Variants in ZNF761 observed in about 807,000 individuals in gnomAD.
The protein encoded by ZNF761 is zinc finger protein 761.
ZNF761 carries 43 observed loss-of-function variants against 59.9 expected under a neutral mutation model. That is an observed-to-expected ratio of 0.72 (90% CI 0.56 to 0.92). The LOEUF is 0.92. Among genes scored for constraint, ZNF761 ranks in the 40% least tolerant of loss-of-function variants. The pLI is 0.00. For missense variants in ZNF761, 850 were observed against 906.1 expected, an observed-to-expected ratio of 0.94 and a Z score of 0.79; for synonymous variants, 294 against 304.8, an observed-to-expected ratio of 0.96 and a Z score of 0.37.
chr19:53,437,671 G>A (rs2086057565), intron 1 of ZNF761, among the ~76,000 whole-genome samples: 2 of 152,096 alleles, frequency 1.3e-5, no homozygotes, highest in Admixed American at 1.3e-4. Flanking sequence ...GGTGGCCTCT[G>A]CAATGCATTA....
chr19:53,442,513 A>T, intron 1 of ZNF761: 2 of 724,374 alleles, frequency 2.8e-6, no homozygotes. Context: ...AAGACAATTG[A>T]TGACTTGGAA....
At position 53,457,482 on chromosome 19, in the gene ZNF761, A is replaced by G. The variant is rs2086282547; in HGVS notation, c.*734A>G. 1 of 395,702 alleles carries G rather than the reference A, an allele frequency of 2.5e-6. No individual in the cohort carries two copies. Among genetic ancestry groups the G allele is most frequent in the Non-Finnish European group, 5.0e-6 (1 of 198,798 alleles). The allele number at this position is 395,702 out of a possible 1,614,324, so 24.5% of individuals were successfully genotyped here. On this transcript the variant is annotated 3_prime_UTR_variant, in exon 5 of 5. Transcript: ENST00000684525. ...ATCAGAGAATGCATACTGGACAGAAATCTTACAAATGTCATCAATGTGCCA... is the reference window on the plus strand; with the variant it reads ...ATCAGAGAATGCATACTGGACAGAAGTCTTACAAATGTCATCAATGTGCCA...
Position 53,457,241 on chromosome 19 carries a change from C to T in ZNF761, c.*493C>T. ...GAATCCATAAGGAAGAGAGATCATA[C>T]TAGGGTAATAAATGTGGCAGATTTT... On this transcript the variant is annotated 3_prime_UTR_variant, in exon 5 of 5. Coordinates refer to ENST00000684525, the MANE Select transcript of ZNF761 (RefSeq NM_001289951.2). 1 of 457,328 alleles carries T rather than the reference C, an allele frequency of 2.2e-6. No homozygotes were observed. Among genetic ancestry groups the T allele is most frequent in the Non-Finnish European group, 4.4e-6 (1 of 229,152 alleles). 28.3% of individuals were successfully genotyped at this position (457,328 alleles called of 1,614,324 possible).
intron 1 of ZNF761, among the ~76,000 whole-genome samples, chr19:53,436,212 G>T (rs1039140162): frequency 3.3e-5 from 5 of 152,162 alleles, no homozygotes; most frequent in African/African-American, 1.2e-4. Context: ...CAAGATTACA[G>T]TACAGGGCCC....
chr19:53,442,276 A>G, intron 1 of ZNF761: 2 of 1,343,356 alleles, frequency 1.5e-6, no homozygotes, highest in Non-Finnish European at 2.1e-6. Context: ...ATTGAAGGAG[A>G]CATGGGATGC....
Position 53,457,344 on chromosome 19 carries a change from C to G in ZNF761, c.*596C>G. ...AACCTTACAAATGTCATGACTGTGG[C>G]AAGGTCTTCAGTCAAGCTTCATCCT... On this transcript the variant is annotated 3_prime_UTR_variant, in exon 5 of 5. Transcript: ENST00000684525. 5 of 402,230 alleles carry G rather than the reference C, an allele frequency of 1.2e-5. 1 individual carries two copies. The highest frequency in any genetic ancestry group is 9.7e-5 in the South Asian group (5 of 51,340). The allele number at this position is 402,230 out of a possible 1,614,324, so 24.9% of individuals were successfully genotyped here. A position where few individuals can be genotyped will look rare whatever the true frequency, so the allele number is the denominator to read the frequency against.
chr19:53,451,912 A>T (rs1316241549), intron 4 of ZNF761, among the ~76,000 whole-genome samples: 1 of 151,916 alleles, frequency 6.6e-6, no homozygotes, highest in Non-Finnish European at 1.5e-5. Context: ...AAAACATGTT[A>T]TTGCTATTAG....
At chr19:53,435,289 CTTTTTTTTTTTTTT>C (rs368157010) in intron 1 of ZNF761, among the ~76,000 whole-genome samples, 28 of 53,614 alleles carry the variant, frequency 5.2e-4, no homozygotes, top group East Asian at 2.3e-3. Context: ...AATACAAGTC[CTTTTTTTTTTTTTT>C]TTTTTTTTTT....
intron 4 of ZNF761, among the ~76,000 whole-genome samples, chr19:53,453,209 G>C (rs1469001874): frequency 2.0e-5 from 3 of 152,096 alleles, no homozygotes; most frequent in Non-Finnish European, 4.4e-5. Flanking sequence ...TCACCATGTT[G>C]GCCAAGCTAC....
At chr19:53,434,869 A>G (rs2086021348) in intron 1 of ZNF761, among the ~76,000 whole-genome samples, 1 of 152,210 alleles carries the variant, frequency 6.6e-6, no homozygotes, top group South Asian at 2.1e-4. Context: ...AACCAAGCAA[A>G]CAGGTTTTTA....
chr19:53,449,222 C>T (rs181892303), intron 3 of ZNF761, among the ~76,000 whole-genome samples: 1 of 152,066 alleles, frequency 6.6e-6, no homozygotes, highest in African/African-American at 2.4e-5. Context: ...TTCAGCTACT[C>T]AGGAGGCTAA....
chr19:53,457,027 C>G lies in ZNF761; in HGVS notation c.*279C>G. 3.1e-6 allele frequency: 2 copies of G among 646,236 alleles called. No individual in the cohort carries two copies. The highest frequency in any genetic ancestry group is 5.5e-6 in the Non-Finnish European group (2 of 363,642). The allele number at this position is 646,236 out of a possible 1,614,324, so 40.0% of individuals were successfully genotyped here. A position where few individuals can be genotyped will look rare whatever the true frequency, so the allele number is the denominator to read the frequency against. The stretch of plus-strand genomic sequence containing the variant: ...TGTGACAAGGCTTTTGGGCATGATT[C>G]GCACCTGGCACAACATGCTAGAATT... On this transcript the variant is annotated 3_prime_UTR_variant, in exon 5 of 5. Transcript: ENST00000684525.
chr19:53,435,940 C>T (rs1231114701), intron 1 of ZNF761, among the ~76,000 whole-genome samples: 3 of 152,314 alleles, frequency 2.0e-5, no homozygotes, highest in South Asian at 2.1e-4. Context: ...TTCGGCCGTG[C>T]GTAGACTAGT....
chr19:53,446,557 G>C (rs1253379772), intron 2 of ZNF761, among the ~76,000 whole-genome samples: 1 of 152,022 alleles, frequency 6.6e-6, no homozygotes, highest in Non-Finnish European at 1.5e-5. Flanking sequence ...ATTTTTAGTA[G>C]AGATGGGGTT....
chr19:53,442,093 G>A, intron 1 of ZNF761: 1 of 986,888 alleles, frequency 1.0e-6, no homozygotes, highest in Admixed American at 1.8e-5. Flanking sequence ...TGCAAAAGCT[G>A]GAAGAAGCGG....
At chr19:53,433,802 C>T (rs1352140435) in intron 1 of ZNF761, among the ~76,000 whole-genome samples, 2 of 152,122 alleles carry the variant, frequency 1.3e-5, no homozygotes, top group African/African-American at 4.8e-5. Context: ...AGAACTACTC[C>T]TATTAAGGTT....
At chr19:53,447,509 C>T (rs1241748855) in intron 3 of ZNF761, among the ~76,000 whole-genome samples, 1 of 152,138 alleles carries the variant, frequency 6.6e-6, no homozygotes, top group Non-Finnish European at 1.5e-5. Context: ...GGGAAGGGCT[C>T]ACACCCAGAC....
Position 53,457,503 on chromosome 19 carries a change from T to C in ZNF761, c.*755T>C. On this transcript the variant is annotated 3_prime_UTR_variant, in exon 5 of 5. Transcript: ENST00000684525. ...AGAAATCTTACAAATGTCATCAATG[T>C]GCCAAGGTCTTCAGTCTGAGTTCAC... 2.6e-6 allele frequency: 1 copy of C among 388,750 alleles called. No individual in the cohort carries two copies. Among genetic ancestry groups the C allele is most frequent in the South Asian group, 2.1e-5 (1 of 48,636 alleles). The allele number at this position is 388,750 out of a possible 1,614,324, so 24.1% of individuals were successfully genotyped here. A position where few individuals can be genotyped will look rare whatever the true frequency, so the allele number is the denominator to read the frequency against.
At chr19:53,439,284 A>AAAC (rs906252961) in intron 1 of ZNF761, among the ~76,000 whole-genome samples, 3 of 151,100 alleles carry the variant, frequency 2.0e-5, no homozygotes, top group African/African-American at 7.3e-5. Flanking sequence ...AAAAAAAAAA[A>AAAC]AAGATTGTGG....
Sources: gnomAD v4.1 joint callset for allele counts (sites outside exome capture counted in the v4.1 genomes callset) on GRCh38, gnomAD v4.1.1 for gene constraint, MANE v1.5 for transcripts, NCBI Gene and HGNC (gene_info 2026-07-23, HGNC 2026-07-21) for gene names.